UNC13C: variants seen among roughly 807,000 people sequenced by gnomAD.
UNC13C encodes unc-13 homolog C, also known as protein unc-13 homolog C.
A neutral mutation model predicts 245.4 loss-of-function variants in UNC13C; 174 were observed. The observed-to-expected ratio is 0.71, with a 90% CI of 0.63 to 0.80. UNC13C has a LOEUF of 0.80. UNC13C is among the 30% of genes least tolerant of loss of function. The probability of loss-of-function intolerance (pLI) is 0.00; values close to 1 mark genes in which losing one functional copy is unlikely to be tolerated. For synonymous variants in UNC13C, 992 were observed against 895.1 expected, an observed-to-expected ratio of 1.11 and a Z score of -1.93; for missense variants, 2,829 against 2,602.9, an observed-to-expected ratio of 1.09 and a Z score of -1.89.
intron 2 of UNC13C, among the ~76,000 whole-genome samples, chr15:54,083,386 C>T (rs200419804): frequency 1.3e-5 from 2 of 152,186 alleles, no homozygotes; most frequent in Non-Finnish European, 2.9e-5. Context: ...TATGGCTTGT[C>T]TGGCCTCCGT....
the UNC13C span, among the ~76,000 whole-genome samples, chr15:53,905,065 G>T: frequency 0.056 from 8,549 of 152,124 alleles, 843 homozygotes; most frequent in African/African-American, 0.2. Context: ...GACAATGAAT[G>T]CATAACACAC....
intron 2 of UNC13C, among the ~76,000 whole-genome samples, chr15:54,096,783 G>A (rs923355820): frequency 8.5e-5 from 13 of 152,064 alleles, no homozygotes; most frequent in South Asian, 2.1e-4. Flanking sequence ...AAAGCTTGAA[G>A]TAAGAGAGAT....
At chr15:54,366,010 G>A (rs1460800596) in intron 17 of UNC13C, among the ~76,000 whole-genome samples, 2 of 152,126 alleles carry the variant, frequency 1.3e-5, no homozygotes, top group Non-Finnish European at 2.9e-5. Flanking sequence ...AGTGTTCCAG[G>A]AGAGTTTGTG....
At chr15:53,996,011 C>G (rs1482089955) in intron 1 of UNC13C, among the ~76,000 whole-genome samples, 3 of 152,072 alleles carry the variant, frequency 2.0e-5, no homozygotes, top group Non-Finnish European at 4.4e-5. Flanking sequence ...TTGTTTACAA[C>G]ATGGAAGATA....
chr15:54,524,411 G>A (rs954619438), intron 24 of UNC13C, among the ~76,000 whole-genome samples: 3 of 152,112 alleles, frequency 2.0e-5, no homozygotes, highest in Non-Finnish European at 4.4e-5. Flanking sequence ...AAAGTTAGGC[G>A]GACTTGAGTT....
chr15:54,030,851 T>C (rs1896328055), intron 2 of UNC13C, among the ~76,000 whole-genome samples: 1 of 152,160 alleles, frequency 6.6e-6, no homozygotes, highest in Non-Finnish European at 1.5e-5. Flanking sequence ...TAAGCCCTTT[T>C]ATAAGAGCCC....
intron 10 of UNC13C, among the ~76,000 whole-genome samples, chr15:54,270,191 T>C (rs1380616885): frequency 2.0e-5 from 3 of 152,210 alleles, no homozygotes; most frequent in African/African-American, 7.2e-5. Flanking sequence ...AGTTACCTTT[T>C]CTTTATAAAC....
intron 29 of UNC13C, among the ~76,000 whole-genome samples, chr15:54,563,846 T>A (rs1193088009): frequency 6.6e-6 from 1 of 151,886 alleles, no homozygotes; most frequent in African/African-American, 2.4e-5. Flanking sequence ...TCCTTCAGAG[T>A]CATGGGCACA....
At chr15:54,304,617 A>G (rs184170140) in intron 13 of UNC13C, among the ~76,000 whole-genome samples, 4 of 147,644 alleles carry the variant, frequency 2.7e-5, no homozygotes, top group East Asian at 2.0e-4. Flanking sequence ...AAAACTTACA[A>G]TTGTAAATTC....
At chr15:53,898,972 G>GT in the UNC13C span, among the ~76,000 whole-genome samples, 2 of 148,114 alleles carry the variant, frequency 1.4e-5, no homozygotes, top group African/African-American at 2.5e-5. Flanking sequence ...ATCCCCAACT[G>GT]TCCCCCACAC....
intron 1 of UNC13C, among the ~76,000 whole-genome samples, chr15:54,001,366 C>A (rs1894879094): frequency 6.6e-6 from 1 of 151,378 alleles, no homozygotes; most frequent in African/African-American, 2.5e-5. Context: ...GCATTAGCTC[C>A]TGTCTGGGAA....
intron 2 of UNC13C, among the ~76,000 whole-genome samples, chr15:54,040,571 C>G (rs1282376567): frequency 1.3e-5 from 2 of 152,142 alleles, no homozygotes; most frequent in Non-Finnish European, 2.9e-5. Context: ...GCTGGGAAAG[C>G]TGGGGGTATT....
chr15:54,560,374 A>T (rs894965209), intron 29 of UNC13C, among the ~76,000 whole-genome samples: 1 of 152,116 alleles, frequency 6.6e-6, no homozygotes, highest in African/African-American at 2.4e-5. Context: ...TATTGGGATT[A>T]TAAAAAAATA....
At chr15:54,425,141 A>G (rs2040733688) in intron 19 of UNC13C, among the ~76,000 whole-genome samples, 1 of 151,894 alleles carries the variant, frequency 6.6e-6, no homozygotes, top group Non-Finnish European at 1.5e-5. Context: ...CTTTTACATG[A>G]ATAAACAAAT....
chr15:53,925,798 T>C, the UNC13C span, among the ~76,000 whole-genome samples: 10 of 152,164 alleles, frequency 6.6e-5, no homozygotes, highest in African/African-American at 2.4e-4. Context: ...GAAATCTATT[T>C]TTAAAGAAAG....
chr15:54,012,019 A>G (rs559992054), intron 1 of UNC13C, among the ~76,000 whole-genome samples: 88 of 152,232 alleles, frequency 5.8e-4, no homozygotes, highest in Admixed American at 1.1e-3. Context: ...TAAAATATTA[A>G]GTTCAATTCA....
At chr15:54,064,344 A>G (rs369807490) in intron 2 of UNC13C, among the ~76,000 whole-genome samples, 3 of 152,330 alleles carry the variant, frequency 2.0e-5, no homozygotes, top group East Asian at 3.9e-4. Context: ...AAAGATTACA[A>G]AAATAATTGC....
chr15:54,251,381 A>T (rs1194919720), intron 8 of UNC13C, among the ~76,000 whole-genome samples: 1 of 152,174 alleles, frequency 6.6e-6, no homozygotes, highest in East Asian at 1.9e-4. Context: ...TTTACCTTAG[A>T]GGGTTATTGG....
rs563316691 is a variant in UNC13C at position 54,034,767 on chromosome 15, C to T, written c.2983+18881C>T. Among the ~76,000 whole-genome samples the T allele has an allele frequency of 1.1e-3, 174 of 152,280 alleles. 1 individual carries two copies. The highest frequency in any genetic ancestry group is 4.1e-3 in the African/African-American group (172 of 41,568). ...TGAAAGATAATTTTGACTACATGAT[C>T]TTTACTCCTTAGAAGCTGACTTCAG... On this transcript the variant is annotated intron_variant, in intron 2 of 32. Coordinates refer to ENST00000260323, the MANE Select transcript of UNC13C (RefSeq NM_001080534.3).
Sources: allele counts gnomAD v4.1 joint callset (sites outside exome capture counted in the v4.1 genomes callset), GRCh38; gene constraint gnomAD v4.1.1; transcripts MANE v1.5; gene names NCBI Gene and HGNC (gene_info 2026-07-23, HGNC 2026-07-21).